The following USP6NL variants were observed in gnomAD, a reference collection of about 807,000 sequenced individuals.
USP6NL encodes the protein USP6 N-terminal like.
USP6NL carries 26 observed loss-of-function variants against 61.9 expected under a neutral mutation model. That is an observed-to-expected ratio of 0.42 (90% CI 0.31 to 0.58). USP6NL has a LOEUF of 0.58. Among genes scored for constraint, USP6NL ranks in the 20% least tolerant of loss-of-function variants. USP6NL has a pLI of 0.16. For missense variants in USP6NL, 1,114 were observed against 1,034.3 expected, an observed-to-expected ratio of 1.08 and a Z score of -1.06; for synonymous variants, 432 against 390.1, an observed-to-expected ratio of 1.11 and a Z score of -1.27.
intron 2 of USP6NL, among the ~76,000 whole-genome samples, chr10:11,590,365 T>C (rs1373014341): frequency 6.6e-6 from 1 of 152,208 alleles, no homozygotes; most frequent in Non-Finnish European, 1.5e-5. Context: ...TCACATACAC[T>C]GATAGCCACA....
rs923113249 is a variant in USP6NL at position 11,476,001 on chromosome 10, G to C, written c.1078+5769C>G. On this transcript the variant is annotated intron_variant, in intron 14 of 14. Transcript: ENST00000609104. The surrounding 1 kb of genome is among the most constrained non-coding windows in gnomAD (Gnocchi z 4.3). ...AAAACCAGACAACTCCTGAGTGTGC[G>C]ACATTCCACAGAATAGTGGGACTGT... Among the ~76,000 whole-genome samples the C allele has an allele frequency of 1.3e-5, 2 of 152,076 alleles. No homozygotes were observed. Among genetic ancestry groups the C allele is most frequent in the African/African-American group, 4.8e-5 (2 of 41,422 alleles).
At position 11,510,695 on chromosome 10, in the gene USP6NL, T is replaced by C. The variant is rs185131025; in HGVS notation, c.196-1020A>G. Among the ~76,000 whole-genome samples the C allele has an allele frequency of 1.5e-3, 223 of 152,214 alleles. 1 individual carries two copies. The highest frequency in any genetic ancestry group is 0.011 in the South Asian group (51 of 4,818). On this transcript the variant is annotated intron_variant, in intron 5 of 14. Transcript: ENST00000609104. This position sits in a 1 kb window ranked among gnomAD's most constrained non-coding sequence, Gnocchi z 4.8. ...ATACAAGTCTACTCAGAAAAGAAAATCATTCTGAGGATACATTTTATACTC... is the reference window on the plus strand; with the variant it reads ...ATACAAGTCTACTCAGAAAAGAAAACCATTCTGAGGATACATTTTATACTC...
At chr10:11,530,964 T>G (rs1451881839) in intron 2 of USP6NL, among the ~76,000 whole-genome samples, 5 of 152,216 alleles carry the variant, frequency 3.3e-5, no homozygotes, top group Admixed American at 6.5e-5. Flanking sequence ...AAACAGTGAC[T>G]GCAAACGATT....
At position 11,596,592 on chromosome 10, in the gene USP6NL, G is replaced by C. The variant is rs541598822; in HGVS notation, c.4+1039C>G. On this transcript the variant is annotated intron_variant, in intron 2 of 14. Coordinates refer to ENST00000609104, the MANE Select transcript of USP6NL (RefSeq NM_014688.5). This position sits in a 1 kb window ranked among gnomAD's most constrained non-coding sequence, Gnocchi z 4.1. ...TGAGCGGAGATGGTGCCACTGCACT[G>C]CAGCCTGGGCGACAGAGGGAGACTC... 3.3e-5 allele frequency among the ~76,000 whole-genome samples: 5 copies of C among 150,398 alleles called. No homozygotes were observed. Among genetic ancestry groups the C allele is most frequent in the Non-Finnish European group, 7.4e-5 (5 of 67,704 alleles).
At chr10:11,557,476 A>C (rs1836753477) in intron 2 of USP6NL, among the ~76,000 whole-genome samples, 1 of 152,242 alleles carries the variant, frequency 6.6e-6, no homozygotes, top group Admixed American at 6.5e-5. Context: ...AAGCAGTGTG[A>C]ATAACATATT....
In USP6NL at chr10:11,485,853, T is replaced by G. The variant is rs1431119646; in HGVS notation, c.723A>C (p.Ile241=). Residue 241 remains isoleucine, a synonymous_variant, in exon 11 of 15, where the codon ATA becomes ATC. Transcript: ENST00000609104. The surrounding 1 kb of genome is among the most constrained non-coding windows in gnomAD (Gnocchi z 4.8). ...TAAGCTTGGACAGAAATTTGTTCAG[T>G]ATTTTTTCATGATGTTCTTGAAACC... is the stretch of plus-strand genomic sequence containing the variant. ...LLRFQEHHEK[I]LNKFLSKLKQ... is the part of the protein sequence containing the mutation. 1 of 1,556,992 alleles carries G rather than the reference T, an allele frequency of 6.4e-7. No homozygotes were observed. The highest frequency in any genetic ancestry group is 1.4e-5 in the African/African-American group (1 of 73,594).
At chr10:11,543,140 A>T (rs765964279) in intron 2 of USP6NL, among the ~76,000 whole-genome samples, 54 of 152,238 alleles carry the variant, frequency 3.5e-4, no homozygotes, top group Middle Eastern at 3.2e-3. Flanking sequence ...AATGACCAAA[A>T]TAAGGGTAAC....
At chr10:11,541,275 A>ATATATATATC (rs1836057328) in intron 2 of USP6NL, among the ~76,000 whole-genome samples, 1 of 104,818 alleles carries the variant, frequency 9.5e-6, no homozygotes, top group Non-Finnish European at 2.0e-5. Context: ...ATATATATAT[A>ATATATATATC]TGTATGTCAC....
intron 2 of USP6NL, among the ~76,000 whole-genome samples, chr10:11,578,593 G>A (rs1220736222): frequency 1.3e-5 from 2 of 152,044 alleles, no homozygotes; most frequent in Admixed American, 6.5e-5. Context: ...CTGGGCAACA[G>A]AGTGAGACTC....
intron 14 of USP6NL, among the ~76,000 whole-genome samples, chr10:11,472,372 C>A (rs1181731746): frequency 1.3e-5 from 2 of 152,216 alleles, no homozygotes; most frequent in Admixed American, 6.5e-5. Flanking sequence ...CCTCGCCCAT[C>A]AACGGCCTCT....
At chr10:11,477,533 C>T (rs919433897) in intron 14 of USP6NL, among the ~76,000 whole-genome samples, 3 of 152,094 alleles carry the variant, frequency 2.0e-5, no homozygotes, top group African/African-American at 7.2e-5. Context: ...AATATATTTT[C>T]GAGCTGTTAA....
Position 11,562,629 on chromosome 10 carries a change from C to A in USP6NL, c.4+35002G>T. The A allele has an allele frequency of 5.1e-6, 5 of 985,394 alleles. No individual in the cohort carries two copies. Among genetic ancestry groups the A allele is most frequent in the Non-Finnish European group, 6.0e-6 (5 of 829,920 alleles). The allele number at this position is 985,394 out of a possible 1,614,324, so 61.0% of individuals were successfully genotyped here. A position where few individuals can be genotyped will look rare whatever the true frequency, so the allele number is the denominator to read the frequency against. On this transcript the variant is annotated intron_variant, in intron 2 of 14. Transcript: ENST00000609104. This position sits in a 1 kb window ranked among gnomAD's most constrained non-coding sequence, Gnocchi z 4.8. ...AACTAAATGTAATTCTAACACTGAA[C>A]AGTCCTCTAATTATTTGTGACACTC...
chr10:11,473,999 C>T (rs766525271), intron 14 of USP6NL, among the ~76,000 whole-genome samples: 3 of 152,022 alleles, frequency 2.0e-5, no homozygotes, highest in Admixed American at 1.3e-4. Context: ...GCAGGCACCA[C>T]CTTCGAGATA....
intron 1 of USP6NL, among the ~76,000 whole-genome samples, chr10:11,605,209 TAA>T (rs1838666109): frequency 6.6e-6 from 1 of 152,102 alleles, no homozygotes; most frequent in South Asian, 2.1e-4. Context: ...AAGAGGTGCC[TAA>T]GAGTCTAAAC....
chr10:11,486,025 A>G, intron 10 of USP6NL, 114 bp from the exon 11 acceptor site: 1 of 726,580 alleles, frequency 1.4e-6, no homozygotes, highest in Non-Finnish European at 2.1e-6. Flanking sequence ...AACATTCAGT[A>G]GTTACCAAAA....
At chr10:11,610,288 G>T (rs2133700661) in intron 1 of USP6NL, among the ~76,000 whole-genome samples, 1 of 152,164 alleles carries the variant, frequency 6.6e-6, no homozygotes, top group South Asian at 2.1e-4. Flanking sequence ...TAAAAGAATG[G>T]CAAACCAGGA....
At chr10:11,486,570 T>C (rs982679977) in intron 10 of USP6NL, among the ~76,000 whole-genome samples, 3 of 152,200 alleles carry the variant, frequency 2.0e-5, no homozygotes, top group Admixed American at 2.0e-4. Context: ...TCTATTTTTC[T>C]TCATGATATT....
At chr10:11,546,497 G>A (rs1272725277) in intron 2 of USP6NL, among the ~76,000 whole-genome samples, 2 of 152,114 alleles carry the variant, frequency 1.3e-5, no homozygotes, top group Non-Finnish European at 2.9e-5. Context: ...CGCCTCCCAG[G>A]TTCAAGCAAT....
In USP6NL at chr10:11,575,319, A is replaced by G. The variant is rs572306984; in HGVS notation, c.4+22312T>C. ...TTCCTAGGGCAGTTTGGGACACGTA[A>G]TAAGTGTTAAGTATCTACTGCCTTT... On this transcript the variant is annotated intron_variant, in intron 2 of 14. Transcript: ENST00000609104. This position sits in a 1 kb window ranked among gnomAD's most constrained non-coding sequence, Gnocchi z 4.2. Among the ~76,000 whole-genome samples the G allele has an allele frequency of 3.3e-5, 5 of 152,322 alleles. No individual in the cohort carries two copies. The highest frequency in any genetic ancestry group is 4.1e-4 in the South Asian group (2 of 4,830).
Sources: allele counts gnomAD v4.1 joint callset (sites outside exome capture counted in the v4.1 genomes callset), GRCh38; gene constraint gnomAD v4.1.1; non-coding constraint Gnocchi (gnomAD v3.1); transcripts MANE v1.5; gene names NCBI Gene and HGNC (gene_info 2026-07-23, HGNC 2026-07-21).